Variants in KALRN observed in about 807,000 individuals in gnomAD.
KALRN encodes the protein kalirin.
KALRN carries 70 observed loss-of-function variants against 353.7 expected under a neutral mutation model. The ratio of observed to expected loss-of-function variants is 0.20; its 90% CI spans 0.16 to 0.24. The LOEUF (loss-of-function observed/expected upper bound fraction) is 0.24. Among genes scored for constraint, KALRN ranks in the 10% least tolerant of loss-of-function variants. The probability of loss-of-function intolerance (pLI) is 1.00; values close to 1 mark genes in which losing one functional copy is unlikely to be tolerated. For missense variants in KALRN, 2,791 were observed against 3,756.7 expected (o/e 0.74, Z 6.72); for synonymous variants, 1,391 against 1,434.8 (o/e 0.97, Z 0.69).
At chr3:124,513,017 G>T (rs1356333596) in intron 33 of KALRN, among the ~76,000 whole-genome samples, 7 of 152,136 alleles carry the variant, frequency 4.6e-5, no homozygotes, top group Non-Finnish European at 1.0e-4. Flanking sequence ...AGAACAGGGT[G>T]ATCCGCTCTC....
At chr3:124,372,739 G>A (rs1484138431) in intron 10 of KALRN, among the ~76,000 whole-genome samples, 1 of 151,952 alleles carries the variant, frequency 6.6e-6, no homozygotes, top group African/African-American at 2.4e-5. Context: ...GAGCATTTTG[G>A]TCATTTCTGG....
At chr3:124,186,029 T>C (rs1203975842) in intron 1 of KALRN, among the ~76,000 whole-genome samples, 5 of 152,186 alleles carry the variant, frequency 3.3e-5, no homozygotes, top group Non-Finnish European at 5.9e-5. Flanking sequence ...AGAGTCACAC[T>C]TTCATGGTGA....
intron 10 of KALRN, among the ~76,000 whole-genome samples, chr3:124,363,099 T>C (rs945304717): frequency 1.1e-4 from 17 of 152,180 alleles, no homozygotes; most frequent in African/African-American, 3.9e-4. Flanking sequence ...ACAACTATTA[T>C]ATAAAATAAA....
chr3:124,510,291 A>T (rs1018977339), intron 33 of KALRN, among the ~76,000 whole-genome samples: 1 of 152,210 alleles, frequency 6.6e-6, no homozygotes, highest in Non-Finnish European at 1.5e-5. Context: ...AGCAAGGAGG[A>T]AGATCATTCC....
intron 5 of KALRN, among the ~76,000 whole-genome samples, chr3:124,287,597 T>C (rs982677487): frequency 5.3e-5 from 8 of 151,354 alleles, no homozygotes; most frequent in Non-Finnish European, 1.2e-4. Flanking sequence ...TCTTGGTTAT[T>C]GACCAATGCC....
intron 25 of KALRN, 113 bp from the exon 26 acceptor site, chr3:124,474,550 A>G (rs2061261217): frequency 3.8e-6 from 3 of 794,776 alleles, no homozygotes; most frequent in African/African-American, 1.7e-5. Flanking sequence ...CTTAGACAGT[A>G]GAGAAGCCAT....
chr3:124,459,311 A>C (rs938964914), intron 23 of KALRN, among the ~76,000 whole-genome samples: 1 of 152,216 alleles, frequency 6.6e-6, no homozygotes, highest in Admixed American at 6.5e-5. Flanking sequence ...ATAGGCAAGA[A>C]GAGAGTAGAG....
At chr3:124,169,524 G>A (rs1490174092) in intron 1 of KALRN, among the ~76,000 whole-genome samples, 1 of 152,144 alleles carries the variant, frequency 6.6e-6, no homozygotes, top group East Asian at 1.9e-4. Context: ...TGCAACTACT[G>A]GTGCAGTGGA....
chr3:124,174,764 C>T (rs1384203270), intron 1 of KALRN, among the ~76,000 whole-genome samples: 1 of 152,208 alleles, frequency 6.6e-6, no homozygotes, highest in African/African-American at 2.4e-5. Flanking sequence ...GGAGCATATC[C>T]AGAGAAGGAG....
chr3:124,456,933 T>C (rs149917743), intron 23 of KALRN, among the ~76,000 whole-genome samples: 188 of 152,370 alleles, frequency 1.2e-3, no homozygotes, highest in African/African-American at 3.7e-3. Flanking sequence ...GAATTCTCTT[T>C]ACATTTCAGT....
intron 3 of KALRN, among the ~76,000 whole-genome samples, chr3:124,244,092 G>A (rs1443390598): frequency 6.6e-6 from 1 of 152,074 alleles, no homozygotes; most frequent in African/African-American, 2.4e-5. Context: ...CAAAGTTTTG[G>A]CCTATATTTT....
intron 51 of KALRN, among the ~76,000 whole-genome samples, chr3:124,686,017 G>C (rs1423590516): frequency 6.6e-6 from 1 of 152,100 alleles, no homozygotes; most frequent in Admixed American, 6.5e-5. Flanking sequence ...TTAACACAAG[G>C]CATTGCAGTG....
At chr3:124,596,727 G>A (rs1258154826) in intron 34 of KALRN, among the ~76,000 whole-genome samples, 1 of 152,166 alleles carries the variant, frequency 6.6e-6, no homozygotes, top group Non-Finnish European at 1.5e-5. Flanking sequence ...GTAAATCTAG[G>A]TAGGTGTTGG....
intron 11 of KALRN, among the ~76,000 whole-genome samples, chr3:124,391,908 G>T (rs2089447361): frequency 6.6e-6 from 1 of 152,196 alleles, no homozygotes; most frequent in South Asian, 2.1e-4. Context: ...ACGGAATAGA[G>T]AGGCCCAGCC....
At chr3:124,342,992 A>G (rs937828691) in intron 9 of KALRN, among the ~76,000 whole-genome samples, 3 of 152,084 alleles carry the variant, frequency 2.0e-5, no homozygotes, top group Non-Finnish European at 2.9e-5. Flanking sequence ...CATCTCCCCC[A>G]TAGCCAATTA....
chr3:124,532,069 T>G (rs2068089322), intron 33 of KALRN, among the ~76,000 whole-genome samples: 1 of 152,202 alleles, frequency 6.6e-6, no homozygotes, highest in African/African-American at 2.4e-5. Flanking sequence ...TATTATATTA[T>G]TCATATGCTA....
rs570149134 is a variant in KALRN at position 124,313,213 on chromosome 3, C to A, written c.1093-12767C>A. Among the ~76,000 whole-genome samples the A allele has an allele frequency of 3.3e-5, 5 of 152,308 alleles. No homozygotes were observed. The East Asian group carries it at 5.8e-4, about 18-fold the overall frequency. On this transcript the variant is annotated intron_variant, in intron 6 of 59. Coordinates refer to ENST00000682506, the MANE Select transcript of KALRN (RefSeq NM_001388419.1). ...ATGATCTTTCAAGTTCCACTGATCC[C>A]AAACATCTTTGTTTCTGGGATTCTC...
At chr3:124,616,809 C>CA (rs1363460611) in intron 34 of KALRN, among the ~76,000 whole-genome samples, 7 of 151,728 alleles carry the variant, frequency 4.6e-5, no homozygotes, top group Admixed American at 6.6e-5. Context: ...ACTAAAAATA[C>CA]AAAAAATTAG....
Position 124,109,788 on chromosome 3 carries a change from A to G in KALRN, c.73+75975A>G, listed in dbSNP as rs538380674. Among the ~76,000 whole-genome samples the G allele has an allele frequency of 1.2e-3, 67 of 56,508 alleles. 1 individual carries two copies. Among genetic ancestry groups the G allele is most frequent in the Non-Finnish European group, 1.6e-3 (50 of 31,146 alleles). The allele number at this position is 56,508 out of a possible 152,430, so 37.1% of individuals were successfully genotyped here. On this transcript the variant is annotated intron_variant, in intron 1 of 59. Transcript: ENST00000682506. ...GATATATATATGACATATATATCATACTTTGATATATATATGACATATATA... is the reference window on the plus strand; with the variant it reads ...GATATATATATGACATATATATCATGCTTTGATATATATATGACATATATA...
Sources: allele counts gnomAD v4.1 joint callset (sites outside exome capture counted in the v4.1 genomes callset), GRCh38; gene constraint gnomAD v4.1.1; transcripts MANE v1.5; gene names NCBI Gene and HGNC (gene_info 2026-07-23, HGNC 2026-07-21).